Variants in DENND1A observed in about 807,000 individuals in gnomAD.
DENND1A encodes DENN domain-containing protein 1A.
Under a neutral mutation model 113.7 loss-of-function variants are expected in DENND1A, and 51 were observed. That is an observed-to-expected ratio of 0.45 (90% CI 0.36 to 0.57). The LOEUF (loss-of-function observed/expected upper bound fraction) is 0.57, where lower values mean the gene tolerates loss of function less well. Ranked by LOEUF, DENND1A falls within the 20% of genes least tolerant of loss-of-function variation. The pLI, the probability that DENND1A is intolerant of heterozygous loss-of-function variation, is 0.00. For synonymous variants in DENND1A, 565 were observed against 570.8 expected (o/e 0.99, Z 0.14); for missense variants, 1,258 against 1,395.9 (o/e 0.90, Z 1.57).
chr9:123,821,186 T>C (rs1335698190), intron 2 of DENND1A, among the ~76,000 whole-genome samples: 1 of 152,212 alleles, frequency 6.6e-6, no homozygotes, highest in Non-Finnish European at 1.5e-5. Context: ...GTATTTTCCC[T>C]AAAAATATTC....
intron 10 of DENND1A, among the ~76,000 whole-genome samples, chr9:123,617,762 A>G (rs921331899): frequency 2.0e-5 from 3 of 152,170 alleles, no homozygotes; most frequent in African/African-American, 7.2e-5. Context: ...AGAGAATTCA[A>G]TGAGAACCGT....
rs140765310 is a variant in DENND1A, at chr9:123,524,659, C to T, written c.993+32911G>A. ...TGGTAAAGTGGCAGATGAACCAGGG[C>T]GGTCTTCCCGACTGGAATCTCTTCA... is the stretch of plus-strand genomic sequence containing the variant. On this transcript the variant is annotated intron_variant, in intron 13 of 23. Coordinates refer to ENST00000394215, the MANE Select transcript of DENND1A (RefSeq NM_001352964.2). Among the ~76,000 whole-genome samples the T allele has an allele frequency of 4.1e-4, 62 of 152,322 alleles. 1 individual carries two copies. In the East Asian group the frequency reaches 7.3e-3, roughly 18 times the overall value.
chr9:123,672,706 G>A (rs1234644851), intron 6 of DENND1A, among the ~76,000 whole-genome samples: 4 of 152,152 alleles, frequency 2.6e-5, no homozygotes, highest in East Asian at 1.9e-4. Context: ...CTTGAGTACC[G>A]CATGGTATGA....
intron 5 of DENND1A, among the ~76,000 whole-genome samples, chr9:123,686,250 G>C (rs554619389): frequency 1.3e-5 from 2 of 152,300 alleles, no homozygotes; most frequent in East Asian, 1.9e-4. Context: ...TTGAGTCGTA[G>C]AGAAATGAAG....
At chr9:123,695,339 A>C (rs1176723835) in intron 5 of DENND1A, among the ~76,000 whole-genome samples, 1 of 152,174 alleles carries the variant, frequency 6.6e-6, no homozygotes, top group Non-Finnish European at 1.5e-5. Context: ...TGAAATTATA[A>C]ATCATTCTAT....
chr9:123,745,320 C>T (rs576281909), intron 5 of DENND1A, among the ~76,000 whole-genome samples: 10 of 152,258 alleles, frequency 6.6e-5, no homozygotes, highest in Non-Finnish European at 8.8e-5. Flanking sequence ...CCTCTGCAAA[C>T]GATGAGACCA....
intron 2 of DENND1A, among the ~76,000 whole-genome samples, chr9:123,846,595 C>A (rs1412274613): frequency 6.6e-6 from 1 of 151,904 alleles, no homozygotes; most frequent in Admixed American, 6.6e-5. Context: ...ATAAACCAGA[C>A]AGAAAAGGAC....
At chr9:123,905,339 C>A (rs1356720686) in intron 1 of DENND1A, among the ~76,000 whole-genome samples, 1 of 149,798 alleles carries the variant, frequency 6.7e-6, no homozygotes, top group African/African-American at 2.5e-5. Flanking sequence ...ATGACAGGAT[C>A]AAATTCACAT....
intron 12 of DENND1A, among the ~76,000 whole-genome samples, chr9:123,577,517 A>C (rs1017479502): frequency 6.6e-6 from 1 of 152,142 alleles, no homozygotes; most frequent in African/African-American, 2.4e-5. Flanking sequence ...CATTCTCAAC[A>C]TGTCTTGCAC....
intron 12 of DENND1A, among the ~76,000 whole-genome samples, chr9:123,564,807 G>GTA (rs2057957206): frequency 6.6e-6 from 1 of 152,128 alleles, no homozygotes; most frequent in South Asian, 2.1e-4. Flanking sequence ...CAGGGCCCTA[G>GTA]GTTGACTACT....
chr9:123,752,707 T>A (rs1239786309), intron 5 of DENND1A, among the ~76,000 whole-genome samples: 1 of 152,208 alleles, frequency 6.6e-6, no homozygotes, highest in Non-Finnish European at 1.5e-5. Flanking sequence ...TTGGGGCAAA[T>A]CAAATATCAA....
At chr9:123,819,300 G>A (rs1838080031) in intron 2 of DENND1A, among the ~76,000 whole-genome samples, 1 of 152,082 alleles carries the variant, frequency 6.6e-6, no homozygotes, top group African/African-American at 2.4e-5. Context: ...TCCTAACAGA[G>A]TCAAATGTTT....
rs528990360 is a variant in DENND1A, at chr9:123,580,704, C to A, written c.867+2465G>T. Among the ~76,000 whole-genome samples the A allele has an allele frequency of 5.3e-5, 8 of 152,352 alleles. No homozygotes were observed. In the South Asian group the frequency reaches 1.7e-3, roughly 32 times the overall value. ...CACTGAAAGGAAACAGGGATGGGAG[C>A]CTCAGATTCCTTGGACCAAAAGAAC... On this transcript the variant is annotated intron_variant, in intron 12 of 23. Transcript: ENST00000394215.
At chr9:123,560,884 A>C (rs1004819295) in intron 12 of DENND1A, among the ~76,000 whole-genome samples, 2 of 152,068 alleles carry the variant, frequency 1.3e-5, no homozygotes, top group South Asian at 2.1e-4. Context: ...CCCCAGCCCC[A>C]CAGTGATGAG....
chr9:123,543,035 C>T (rs1045901377), intron 13 of DENND1A, among the ~76,000 whole-genome samples: 2 of 152,214 alleles, frequency 1.3e-5, no homozygotes, highest in South Asian at 2.1e-4. Flanking sequence ...AGCCGAATGG[C>T]GGCTCAGCTC....
chr9:123,419,820 G>A (rs117521493), intron 19 of DENND1A, among the ~76,000 whole-genome samples: 11 of 152,334 alleles, frequency 7.2e-5, no homozygotes, highest in East Asian at 1.9e-4. Flanking sequence ...AGCCCCCAGC[G>A]CCCATCGCTG....
chr9:123,665,653 A>G (rs750166611), intron 8 of DENND1A, among the ~76,000 whole-genome samples: 3 of 152,266 alleles, frequency 2.0e-5, no homozygotes, highest in Non-Finnish European at 4.4e-5. Flanking sequence ...ATGAAAAGGT[A>G]TACCACATAT....
chr9:123,854,373 A>G (rs1361286259), intron 2 of DENND1A, among the ~76,000 whole-genome samples: 1 of 152,156 alleles, frequency 6.6e-6, no homozygotes, highest in East Asian at 1.9e-4. Flanking sequence ...AAAATTCAAA[A>G]TGACCCAGAA....
chr9:123,922,364 A>T (rs1354393653), intron 1 of DENND1A, among the ~76,000 whole-genome samples: 1 of 152,222 alleles, frequency 6.6e-6, no homozygotes, highest in Non-Finnish European at 1.5e-5. Context: ...ATCAGTAAAA[A>T]AGTGAGCATA....
Sources: gnomAD v4.1 joint callset for allele counts (sites outside exome capture counted in the v4.1 genomes callset) on GRCh38, gnomAD v4.1.1 for gene constraint, MANE v1.5 for transcripts, NCBI Gene and HGNC (gene_info 2026-07-23, HGNC 2026-07-21) for gene names.